ARHGAP6: variants seen among roughly 807,000 people sequenced by gnomAD.
The protein encoded by ARHGAP6 is Rho GTPase activating protein 6.
In ARHGAP6, 16 loss-of-function variants were observed where a neutral mutation model predicts 55.7. That is an observed-to-expected ratio of 0.29 (90% CI 0.19 to 0.44). The LOEUF (loss-of-function observed/expected upper bound fraction) is 0.44. Ranked by LOEUF, ARHGAP6 falls within the 20% of genes least tolerant of loss-of-function variation. The pLI, the probability that ARHGAP6 is intolerant of heterozygous loss-of-function variation, is 1.00. For synonymous variants in ARHGAP6, 382 were observed against 360.9 expected, an observed-to-expected ratio of 1.06 and a Z score of -0.66; for missense variants, 698 against 808.9, an observed-to-expected ratio of 0.86 and a Z score of 1.66.
At chrX:11,530,897 G>C (rs369807357) in intron 1 of ARHGAP6, among the ~76,000 whole-genome samples, 31 of 111,478 alleles carry the variant, frequency 2.8e-4, no homozygotes, top group African/African-American at 9.8e-4. Flanking sequence ...CTCCTACCAA[G>C]CCTTATTAGA....
chrX:11,142,354 A>G (rs1488732899), intron 11 of ARHGAP6, 41 bp from the exon 12 acceptor site: 20 of 959,923 alleles, frequency 2.1e-5, no homozygotes, highest in Non-Finnish European at 2.6e-5. Flanking sequence ...ACACAAAAGG[A>G]AAATTAAAAA....
chrX:11,174,385 C>G lies in ARHGAP6; in HGVS notation c.1629+3715G>C, dbSNP rs531000284. 3.6e-5 allele frequency among the ~76,000 whole-genome samples: 4 copies of G among 111,927 alleles called. No individual in the cohort carries two copies. In the South Asian group the frequency reaches 1.1e-3, roughly 31 times the overall value. On this transcript the variant is annotated intron_variant, in intron 8 of 12. Coordinates refer to ENST00000337414, the MANE Select transcript of ARHGAP6 (RefSeq NM_013427.3). ...TATTTGCCTTGTGTCCTCACCTCCT[C>G]CACCTCTTAGATGCCATTGTATCCT...
At chrX:11,317,442 C>T (rs935824796) in intron 1 of ARHGAP6, among the ~76,000 whole-genome samples, 2 of 111,940 alleles carry the variant, frequency 1.8e-5, no homozygotes, top group Non-Finnish European at 3.8e-5. Context: ...CCCCAAACTG[C>T]CACAGGTTCT....
chrX:11,512,881 T>C (rs2050798519), intron 1 of ARHGAP6, among the ~76,000 whole-genome samples: 1 of 111,776 alleles, frequency 8.9e-6, no homozygotes, highest in South Asian at 3.8e-4. Context: ...ACATGGCAAA[T>C]AATCAATGTC....
chrX:11,515,548 G>T (rs760540738), intron 1 of ARHGAP6, among the ~76,000 whole-genome samples: 3 of 111,292 alleles, frequency 2.7e-5, no homozygotes, highest in Non-Finnish European at 5.7e-5. Context: ...AAATTTCTGC[G>T]CTTGGCTAAA....
At chrX:11,645,310 G>GA (rs1037947068) in intron 1 of ARHGAP6, among the ~76,000 whole-genome samples, 2 of 110,262 alleles carry the variant, frequency 1.8e-5, no homozygotes, top group African/African-American at 3.3e-5. Context: ...TACTCCAAAA[G>GA]AAAAAAAATC....
At chrX:11,396,106 A>C (rs907022322) in intron 1 of ARHGAP6, among the ~76,000 whole-genome samples, 4 of 111,607 alleles carry the variant, frequency 3.6e-5, no homozygotes, top group African/African-American at 1.3e-4. Flanking sequence ...AGTCTTCACT[A>C]TCAGTTTTAG....
intron 1 of ARHGAP6, among the ~76,000 whole-genome samples, chrX:11,424,418 T>G (rs2049857755): frequency 8.9e-6 from 1 of 112,684 alleles, no homozygotes; most frequent in Admixed American, 9.3e-5. Context: ...GCTTATTATA[T>G]AAACTTCAAG....
intron 1 of ARHGAP6, among the ~76,000 whole-genome samples, chrX:11,563,234 T>C (rs1040092533): frequency 8.9e-6 from 1 of 111,735 alleles, no homozygotes; most frequent in Non-Finnish European, 1.9e-5. Context: ...AAATAAGTAA[T>C]TTATCAATAT....
chrX:11,159,010 G>C (rs1487418907), intron 9 of ARHGAP6, among the ~76,000 whole-genome samples: 1 of 112,425 alleles, frequency 8.9e-6, no homozygotes, highest in Non-Finnish European at 1.9e-5. Flanking sequence ...GTCAGTCCCA[G>C]AGAAGCTGAC....
At position 11,262,850 on chromosome X, in the gene ARHGAP6, C is replaced by T. The variant is rs189051751; in HGVS notation, c.589-8143G>A. On this transcript the variant is annotated intron_variant, in intron 1 of 12. Transcript: ENST00000337414. ...TAAGATTCAGAAAATCTCTGATCAT[C>T]GGTTTTCTCATTATTAAGATGGAGA... Among the ~76,000 whole-genome samples the T allele has an allele frequency of 4.2e-4, 47 of 111,173 alleles. No individual in the cohort carries two copies. The East Asian group carries it at 8.8e-3, about 21-fold the overall frequency.
intron 1 of ARHGAP6, among the ~76,000 whole-genome samples, chrX:11,615,151 C>T (rs918863625): frequency 9.0e-6 from 1 of 111,501 alleles, no homozygotes; most frequent in South Asian, 3.8e-4. Context: ...TCATGCTATG[C>T]TCCATTTCCC....
chrX:11,550,850 A>G (rs1426710492), intron 1 of ARHGAP6, among the ~76,000 whole-genome samples: 1 of 112,035 alleles, frequency 8.9e-6, no homozygotes, highest in Non-Finnish European at 1.9e-5. Context: ...CACTTTGTGG[A>G]TAAACTAAGG....
intron 1 of ARHGAP6, among the ~76,000 whole-genome samples, chrX:11,651,018 T>C (rs773339914): frequency 8.9e-6 from 1 of 112,432 alleles, no homozygotes; most frequent in East Asian, 2.8e-4. Flanking sequence ...AGAGTAACAC[T>C]CTGATATGAT....
chrX:11,607,047 C>T (rs181240873), intron 1 of ARHGAP6, among the ~76,000 whole-genome samples: 24 of 112,075 alleles, frequency 2.1e-4, no homozygotes, highest in Non-Finnish European at 4.3e-4. Flanking sequence ...CTTACAGTTG[C>T]CAACTCATGA....
intron 1 of ARHGAP6, among the ~76,000 whole-genome samples, chrX:11,599,283 T>C (rs757530479): frequency 1.2e-4 from 13 of 111,422 alleles, no homozygotes; most frequent in Non-Finnish European, 2.1e-4. Context: ...AAGTGGAATC[T>C]CTGGGTTATA....
At chrX:11,595,161 A>C (rs1186296727) in intron 1 of ARHGAP6, among the ~76,000 whole-genome samples, 1 of 110,755 alleles carries the variant, frequency 9.0e-6, no homozygotes, top group East Asian at 2.8e-4. Context: ...ATGGTGGCGT[A>C]CGCCTATAAT....
At chrX:11,221,752 T>G (rs2046975528) in intron 2 of ARHGAP6, among the ~76,000 whole-genome samples, 1 of 111,666 alleles carries the variant, frequency 9.0e-6, no homozygotes, top group South Asian at 3.8e-4. Context: ...ATGTGCAGGT[T>G]TGTTATATAG....
At chrX:11,568,324 G>T (rs986669814) in intron 1 of ARHGAP6, among the ~76,000 whole-genome samples, 2 of 112,544 alleles carry the variant, frequency 1.8e-5, no homozygotes, top group African/African-American at 6.5e-5. Flanking sequence ...GAGTATATTG[G>T]AAGTTCTCAG....
Sources: allele counts gnomAD v4.1 joint callset (sites outside exome capture counted in the v4.1 genomes callset), GRCh38; gene constraint gnomAD v4.1.1; transcripts MANE v1.5; gene names NCBI Gene and HGNC (gene_info 2026-07-23, HGNC 2026-07-21).